LRBA: variants seen among roughly 807,000 people sequenced by gnomAD.
The protein encoded by LRBA is lipopolysaccharide-responsive and beige-like anchor protein.
In LRBA, 176 loss-of-function variants were observed where a neutral mutation model predicts 330.0. The ratio of observed to expected loss-of-function variants is 0.53; its 90% CI spans 0.47 to 0.60. LRBA has a LOEUF of 0.60. Ranked by LOEUF, LRBA falls within the 20% of genes least tolerant of loss-of-function variation. The pLI, the probability that LRBA is intolerant of heterozygous loss-of-function variation, is 0.00. For missense variants in LRBA, 3,259 were observed against 3,444.8 expected (o/e 0.95, Z 1.35); for synonymous variants, 1,230 against 1,193.0 (o/e 1.03, Z -0.64).
rs544520229 is a variant in LRBA, at chr4:150,454,914, A to G, written c.6780+12759T>C. Reference sequence around the variant, plus strand: ...CAAAAACTTTTATTTCTTATTATTAATTTTTTTGGTGTTCAGTGTTTTTTA... The same window carrying G: ...CAAAAACTTTTATTTCTTATTATTAGTTTTTTTGGTGTTCAGTGTTTTTTA... On this transcript the variant is annotated intron_variant, in intron 44 of 56. Transcript: ENST00000651943. 1.1e-3 allele frequency among the ~76,000 whole-genome samples: 171 copies of G among 150,252 alleles called. 1 individual carries two copies. The South Asian group carries it at 0.016, about 14-fold the overall frequency.
chr4:150,482,289 C>T (rs893531211), intron 42 of LRBA, among the ~76,000 whole-genome samples: 16 of 152,206 alleles, frequency 1.1e-4, no homozygotes, highest in African/African-American at 3.6e-4. Flanking sequence ...AATCATACAA[C>T]ATGCAGCCTT....
chr4:150,277,086 A>G (rs922469069), intron 56 of LRBA, among the ~76,000 whole-genome samples: 15 of 152,242 alleles, frequency 9.9e-5, no homozygotes, highest in African/African-American at 3.6e-4. Context: ...ATGGAATACT[A>G]TGCAGCCATA....
intron 36 of LRBA, among the ~76,000 whole-genome samples, chr4:150,726,600 G>A (rs1227942852): frequency 6.6e-6 from 1 of 152,064 alleles, no homozygotes; most frequent in African/African-American, 2.4e-5. Flanking sequence ...TGGTCGAAGG[G>A]GAAACTGGCA....
intron 44 of LRBA, among the ~76,000 whole-genome samples, chr4:150,452,228 GA>G (rs1337816566): frequency 6.6e-6 from 1 of 152,080 alleles, no homozygotes; most frequent in Non-Finnish European, 1.5e-5. Flanking sequence ...GTTTATCACA[GA>G]AAGGAAACAC....
intron 36 of LRBA, among the ~76,000 whole-genome samples, chr4:150,690,604 A>T (rs565046980): frequency 6.6e-6 from 1 of 152,006 alleles, no homozygotes; most frequent in South Asian, 2.1e-4. Context: ...AATGAAGAGC[A>T]CTGGTTATTA....
intron 40 of LRBA, among the ~76,000 whole-genome samples, chr4:150,544,646 C>G (rs1399477320): frequency 6.6e-6 from 1 of 152,122 alleles, no homozygotes; most frequent in Non-Finnish European, 1.5e-5. Flanking sequence ...TTGTTCACCC[C>G]CTGTTGGCAT....
chr4:150,929,036 C>A lies in LRBA; in HGVS notation c.246G>T (p.Met82Ile). ...LLVGGQFDLE[M>I]NFIIQEGESI... The stretch of plus-strand genomic sequence containing the variant: ...TCTCACCTTCTTGGATAATGAAATT[C>A]ATTTCCAGATCAAACTGTCCTCCTA... Residue 82 changes from methionine to isoleucine, a missense_variant, in exon 3 of 57, where the codon ATG (methionine) becomes ATT (isoleucine). Met to Ile is a conservative substitution (Grantham distance 10). Coordinates refer to ENST00000651943, the MANE Select transcript of LRBA (RefSeq NM_001364905.1). The A allele has an allele frequency of 1.9e-6, 3 of 1,611,580 alleles. No homozygotes were observed. The highest frequency in any genetic ancestry group is 2.5e-6 in the Non-Finnish European group (3 of 1,179,038).
At chr4:150,320,079 T>C (rs1169913446) in intron 50 of LRBA, among the ~76,000 whole-genome samples, 3 of 152,130 alleles carry the variant, frequency 2.0e-5, no homozygotes, top group African/African-American at 7.2e-5. Flanking sequence ...AAATTCTAAC[T>C]GGCCAAAGAG....
intron 51 of LRBA, among the ~76,000 whole-genome samples, chr4:150,313,477 T>C (rs976948870): frequency 6.6e-6 from 1 of 152,160 alleles, no homozygotes; most frequent in African/African-American, 2.4e-5. Context: ...AGAGGATACA[T>C]GGTTTTAAAT....
At chr4:150,534,064 C>T (rs1315623091) in intron 40 of LRBA, among the ~76,000 whole-genome samples, 1 of 152,060 alleles carries the variant, frequency 6.6e-6, no homozygotes, top group Non-Finnish European at 1.5e-5. Flanking sequence ...CTGCCTTTCT[C>T]AGAAGCAACA....
chr4:150,895,262 T>A (rs1009863577), intron 16 of LRBA, among the ~76,000 whole-genome samples: 2 of 152,182 alleles, frequency 1.3e-5, no homozygotes, highest in African/African-American at 4.8e-5. Context: ...AACAGATATT[T>A]CAACCTATTT....
intron 40 of LRBA, among the ~76,000 whole-genome samples, chr4:150,545,388 A>G (rs1281348862): frequency 6.6e-6 from 1 of 152,164 alleles, no homozygotes; most frequent in African/African-American, 2.4e-5. Flanking sequence ...CTGAAATTTC[A>G]TATCCTTCGT....
intron 56 of LRBA, among the ~76,000 whole-genome samples, chr4:150,268,714 TTTA>T (rs557398467): frequency 1.3e-4 from 20 of 152,334 alleles, no homozygotes; most frequent in African/African-American, 4.8e-4. Flanking sequence ...TCATCATCCT[TTTA>T]TTATGAAAAC....
chr4:150,493,859 T>C (rs1307318583), intron 40 of LRBA, among the ~76,000 whole-genome samples: 1 of 152,104 alleles, frequency 6.6e-6, no homozygotes, highest in Admixed American at 6.6e-5. Flanking sequence ...TTGCTGAGCT[T>C]TGGGAGGCCA....
At chr4:150,552,841 G>A (rs1481461051) in intron 40 of LRBA, among the ~76,000 whole-genome samples, 6 of 151,752 alleles carry the variant, frequency 4.0e-5, no homozygotes, top group African/African-American at 1.2e-4. Flanking sequence ...AGGCTGAGGC[G>A]GGCAGATCAC....
At chr4:150,529,532 AT>A (rs918968627) in intron 40 of LRBA, among the ~76,000 whole-genome samples, 10 of 152,116 alleles carry the variant, frequency 6.6e-5, no homozygotes, top group African/African-American at 2.2e-4. Context: ...CCTGACCAAC[AT>A]GGTGAAACTC....
chr4:150,663,554 A>G (rs560481941), intron 37 of LRBA, among the ~76,000 whole-genome samples: 2 of 151,842 alleles, frequency 1.3e-5, no homozygotes, highest in South Asian at 4.2e-4. Context: ...TTATGCTGAA[A>G]AAAAAAAAAG....
intron 2 of LRBA, chr4:151,013,518 GAATT>G (rs1330683982): frequency 2.6e-5 from 4 of 152,078 alleles, no homozygotes; most frequent in Non-Finnish European, 5.9e-5. Context: ...ATAAGTTAAT[GAATT>G]AATTAAAGGT....
At chr4:150,296,054 G>A (rs1448937496) in intron 53 of LRBA, among the ~76,000 whole-genome samples, 1 of 152,152 alleles carries the variant, frequency 6.6e-6, no homozygotes, top group Non-Finnish European at 1.5e-5. Context: ...CAGATTTGTT[G>A]CAATGCAACA....
Sources: gnomAD v4.1 joint callset for allele counts (sites outside exome capture counted in the v4.1 genomes callset) on GRCh38, gnomAD v4.1.1 for gene constraint, MANE v1.5 for transcripts, NCBI Gene and HGNC (gene_info 2026-07-23, HGNC 2026-07-21) for gene names.